The following ALK variants were observed in gnomAD, a reference collection of about 807,000 sequenced individuals.
The protein encoded by ALK is ALK tyrosine kinase receptor.
In ALK, 74 loss-of-function variants were observed where a neutral mutation model predicts 163.1. The ratio of observed to expected loss-of-function variants is 0.45; its 90% CI spans 0.38 to 0.55. ALK has a LOEUF of 0.55. Ranked by LOEUF, ALK falls within the 20% of genes least tolerant of loss-of-function variation. ALK has a pLI of 0.00. For missense variants in ALK, 2,063 were observed against 2,105.3 expected, an observed-to-expected ratio of 0.98 and a Z score of 0.39; for synonymous variants, 960 against 843.2, an observed-to-expected ratio of 1.14 and a Z score of -2.40.
At chr2:29,773,603 A>G (rs1209262699) in intron 1 of ALK, among the ~76,000 whole-genome samples, 1 of 152,228 alleles carries the variant, frequency 6.6e-6, no homozygotes, top group South Asian at 2.1e-4. Context: ...AAGATTATTG[A>G]TAACTGACAG....
chr2:29,838,333 AT>A (rs1333583109), intron 1 of ALK, among the ~76,000 whole-genome samples: 1 of 152,168 alleles, frequency 6.6e-6, no homozygotes, highest in Non-Finnish European at 1.5e-5. Flanking sequence ...TTTTCCCCAA[AT>A]TTGATGAAAA....
In ALK at chr2:29,297,052, T is replaced by A; in HGVS notation, c.1653A>T (p.Arg551=). 1 of 1,614,166 alleles carries A rather than the reference T, an allele frequency of 6.2e-7. No individual in the cohort carries two copies. The highest frequency in any genetic ancestry group is 8.5e-7 in the Non-Finnish European group (1 of 1,180,036). Reference sequence around the variant, plus strand: ...AGACTCCACGAATGAGCCAGGACATTCGGAGCTGTGAGGGCGAGAAGAGTC... The same window carrying A: ...AGACTCCACGAATGAGCCAGGACATACGGAGCTGTGAGGGCGAGAAGAGTC... The part of the protein sequence containing the change: ...APIKSSPCEL[R]MSWLIRGVLR... Residue 551 remains arginine (R), a synonymous_variant, in exon 9 of 29, where the codon CGA becomes CGT. Coordinates refer to ENST00000389048, the MANE Select transcript of ALK (RefSeq NM_004304.5).
At chr2:29,658,609 A>G (rs1193769400) in intron 3 of ALK, among the ~76,000 whole-genome samples, 1 of 152,166 alleles carries the variant, frequency 6.6e-6, no homozygotes, top group African/African-American at 2.4e-5. Flanking sequence ...TAAAACACCC[A>G]CACAGAGTTG....
At chr2:29,818,533 C>T (rs934870118) in intron 1 of ALK, among the ~76,000 whole-genome samples, 2 of 152,252 alleles carry the variant, frequency 1.3e-5, no homozygotes, top group Non-Finnish European at 1.5e-5. Context: ...CACGCTGGCC[C>T]AGCTCTGGAG....
chr2:29,374,715 A>G (rs770766711), intron 5 of ALK, among the ~76,000 whole-genome samples: 7 of 152,226 alleles, frequency 4.6e-5, no homozygotes, highest in Non-Finnish European at 7.3e-5. Flanking sequence ...GACATTTGAG[A>G]AATGCAAGCA....
intron 3 of ALK, among the ~76,000 whole-genome samples, chr2:29,611,738 T>G (rs1244381673): frequency 6.6e-6 from 1 of 152,092 alleles, no homozygotes; most frequent in Non-Finnish European, 1.5e-5. Flanking sequence ...ATCTGGTTGT[T>G]TGAAGGTGTG....
intron 1 of ALK, among the ~76,000 whole-genome samples, chr2:29,720,416 C>A (rs1315889643): frequency 6.6e-6 from 1 of 152,144 alleles, no homozygotes; most frequent in Non-Finnish European, 1.5e-5. Flanking sequence ...CTTGCCCTTA[C>A]AGGAACTCCT....
At chr2:29,582,528 G>A (rs1444930887) in intron 3 of ALK, among the ~76,000 whole-genome samples, 10 of 152,152 alleles carry the variant, frequency 6.6e-5, no homozygotes, top group African/African-American at 9.7e-5. Context: ...CTTGTCTTAC[G>A]CCTGCTAGGC....
At chr2:29,209,506 C>T (rs1383415314) in intron 25 of ALK, among the ~76,000 whole-genome samples, 1 of 145,662 alleles carries the variant, frequency 6.9e-6, no homozygotes, top group Non-Finnish European at 1.5e-5. Flanking sequence ...CGTGCCATGG[C>T]ACTCCAGCCT....
intron 4 of ALK, among the ~76,000 whole-genome samples, chr2:29,518,424 G>C (rs1302375294): frequency 6.6e-6 from 1 of 152,164 alleles, no homozygotes; most frequent in Non-Finnish European, 1.5e-5. Context: ...GGCCTTCTTT[G>C]CCTGCAAGAA....
At chr2:29,822,839 A>G (rs1003170078) in intron 1 of ALK, among the ~76,000 whole-genome samples, 10 of 152,218 alleles carry the variant, frequency 6.6e-5, no homozygotes, top group Admixed American at 5.2e-4. Context: ...TTCCTCACCT[A>G]TCAAGTGAGG....
intron 3 of ALK, among the ~76,000 whole-genome samples, chr2:29,675,747 C>G (rs1166567769): frequency 6.6e-6 from 1 of 151,928 alleles, no homozygotes; most frequent in Non-Finnish European, 1.5e-5. Context: ...CTGAGTATAC[C>G]TCTTGCTGCT....
chr2:29,728,279 C>G (rs925260139), intron 1 of ALK, among the ~76,000 whole-genome samples: 5 of 152,230 alleles, frequency 3.3e-5, no homozygotes, highest in Non-Finnish European at 7.3e-5. Context: ...GGAACTGAGG[C>G]TCAGAGAGGT....
intron 1 of ALK, among the ~76,000 whole-genome samples, chr2:29,912,762 G>A (rs1263582746): frequency 1.3e-5 from 2 of 152,010 alleles, no homozygotes; most frequent in Admixed American, 6.6e-5. Context: ...AGATTGCAAA[G>A]CTAACAAAAG....
chr2:29,587,526 TA>T (rs993042658), intron 3 of ALK, among the ~76,000 whole-genome samples: 41 of 152,094 alleles, frequency 2.7e-4, no homozygotes, highest in African/African-American at 8.5e-4. Flanking sequence ...TCCAGGCCCC[TA>T]AAAAACCCTT....
chr2:29,830,018 C>A (rs1665321232), intron 1 of ALK, among the ~76,000 whole-genome samples: 1 of 152,222 alleles, frequency 6.6e-6, no homozygotes, highest in Admixed American at 6.5e-5. Flanking sequence ...TCCTTCATCA[C>A]TCCCTTGGCA....
chr2:29,234,146 G>A (rs1013906056), intron 13 of ALK, among the ~76,000 whole-genome samples: 3 of 152,166 alleles, frequency 2.0e-5, no homozygotes, highest in African/African-American at 7.2e-5. Context: ...AGTCTATCAG[G>A]ACAGAGAGAT....
chr2:29,200,741 GTATATATATACGTATATATGTATA>G (rs1169606793), intron 26 of ALK, among the ~76,000 whole-genome samples: 2 of 109,376 alleles, frequency 1.8e-5, no homozygotes, highest in Non-Finnish European at 3.3e-5. Context: ...ATATATATAC[GTATATATATACGTATATATGTATA>G]TATATACGTA....
At chr2:29,642,124 A>AT (rs1451549911) in intron 3 of ALK, among the ~76,000 whole-genome samples, 22 of 152,204 alleles carry the variant, frequency 1.4e-4, no homozygotes, top group African/African-American at 5.3e-4. Flanking sequence ...CTTGTCAGAC[A>AT]TATAGACTCT....
Sources: allele counts gnomAD v4.1 joint callset (sites outside exome capture counted in the v4.1 genomes callset), GRCh38; gene constraint gnomAD v4.1.1; transcripts MANE v1.5; gene names NCBI Gene and HGNC (gene_info 2026-07-23, HGNC 2026-07-21).